Variants in DAB1 observed in about 807,000 individuals in gnomAD.
The protein encoded by DAB1 is disabled homolog 1.
A neutral mutation model predicts 64.6 loss-of-function variants in DAB1; 15 were observed. The ratio of observed to expected loss-of-function variants is 0.23; its 90% CI spans 0.16 to 0.36. DAB1 has a LOEUF of 0.36. Among genes scored for constraint, DAB1 ranks in the 10% least tolerant of loss-of-function variants. DAB1 has a pLI of 1.00. For synonymous variants in DAB1, 235 were observed against 251.9 expected (o/e 0.93, Z 0.64); for missense variants, 596 against 706.7 (o/e 0.84, Z 1.78).
chr1:58,530,631 C>T (rs1478918340), intron 1 of DAB1: 1 of 872,702 alleles, frequency 1.1e-6, no homozygotes, highest in Non-Finnish European at 2.0e-6. Flanking sequence ...TCCACTGGCA[C>T]AAAAGTGCCA....
chr1:57,080,088 A>G (rs1223241110), intron 4 of DAB1, among the ~76,000 whole-genome samples: 1 of 152,194 alleles, frequency 6.6e-6, no homozygotes, highest in African/African-American at 2.4e-5. Flanking sequence ...ATTTATCATT[A>G]CCATTTGAAC....
At chr1:58,411,015 C>T (rs937912939) in intron 3 of DAB1, among the ~76,000 whole-genome samples, 3 of 152,210 alleles carry the variant, frequency 2.0e-5, no homozygotes, top group Non-Finnish European at 4.4e-5. Flanking sequence ...TGGTAGGAAA[C>T]TTGGAGACCA....
At chr1:57,539,878 A>G (rs72914808) in intron 7 of DAB1, among the ~76,000 whole-genome samples, 1,641 of 152,334 alleles carry the variant, frequency 0.011, 42 homozygotes, top group African/African-American at 0.038. Context: ...GTGATGGGGA[A>G]AAGTACTGCT....
At chr1:58,033,068 A>G (rs893624044) in intron 5 of DAB1, among the ~76,000 whole-genome samples, 1 of 152,074 alleles carries the variant, frequency 6.6e-6, no homozygotes, top group Non-Finnish European at 1.5e-5. Context: ...TCCCTCCAGA[A>G]CCACCTTCAC....
chr1:57,164,291 T>C (rs956818598), intron 2 of DAB1, among the ~76,000 whole-genome samples: 2 of 152,090 alleles, frequency 1.3e-5, no homozygotes, highest in Admixed American at 6.6e-5. Context: ...CCACAGAATT[T>C]TGGGGATTTG....
At chr1:58,506,873 T>C (rs1645997972) in intron 2 of DAB1, among the ~76,000 whole-genome samples, 1 of 152,192 alleles carries the variant, frequency 6.6e-6, no homozygotes, top group African/African-American at 2.4e-5. Context: ...ACACAATACC[T>C]TATAAAAGTA....
At chr1:58,164,863 T>C (rs1479550018) in intron 4 of DAB1, among the ~76,000 whole-genome samples, 2 of 151,968 alleles carry the variant, frequency 1.3e-5, no homozygotes, top group Non-Finnish European at 2.9e-5. Flanking sequence ...ATATAATGAA[T>C]ACAGAAGATT....
chr1:57,986,708 G>C (rs1646227348), intron 5 of DAB1, among the ~76,000 whole-genome samples: 1 of 152,100 alleles, frequency 6.6e-6, no homozygotes, highest in African/African-American at 2.4e-5. Context: ...ACCTTATCAG[G>C]AAAGTGTCTT....
chr1:57,095,193 A>G (rs1654046719), intron 4 of DAB1, among the ~76,000 whole-genome samples: 1 of 152,198 alleles, frequency 6.6e-6, no homozygotes, highest in African/African-American at 2.4e-5. Flanking sequence ...CATCTGATGC[A>G]GATGTCATTC....
rs181376633 is a variant in DAB1, at chr1:57,920,210, T to C, written n.388-36048A>G. 2.3e-3 allele frequency among the ~76,000 whole-genome samples: 346 copies of C among 152,304 alleles called. 5 individuals are homozygous for C. The highest frequency in any genetic ancestry group is 2.1e-4 in the Non-Finnish European group (14 of 68,026). ...CCCCCACTCTGGAGCTACAAAGCCCTAAACAGCATTCTTTCCAAGGCCTTA... is the reference window on the plus strand; with the variant it reads ...CCCCCACTCTGGAGCTACAAAGCCCCAAACAGCATTCTTTCCAAGGCCTTA... On this transcript the variant is annotated intron_variant and non_coding_transcript_variant, in intron 5 of 20. Transcript: ENST00000485760.
At chr1:58,223,302 A>C (rs1659273988) in intron 4 of DAB1, among the ~76,000 whole-genome samples, 1 of 152,206 alleles carries the variant, frequency 6.6e-6, no homozygotes, top group Non-Finnish European at 1.5e-5. Context: ...TCCAGAGAAA[A>C]TTCTCCTGTC....
intron 4 of DAB1, among the ~76,000 whole-genome samples, chr1:58,301,928 T>G (rs1662179803): frequency 6.6e-6 from 1 of 152,176 alleles, no homozygotes; most frequent in Non-Finnish European, 1.5e-5. Context: ...ATGGAGATAT[T>G]AGCTCTTATT....
intron 6 of DAB1, among the ~76,000 whole-genome samples, chr1:57,802,557 T>G (rs1651178256): frequency 6.6e-6 from 1 of 152,184 alleles, no homozygotes; most frequent in South Asian, 2.1e-4. Context: ...AAATCCAGTG[T>G]CGAATCATAA....
At chr1:57,612,798 A>G (rs1645744355) in intron 7 of DAB1, among the ~76,000 whole-genome samples, 1 of 152,154 alleles carries the variant, frequency 6.6e-6, no homozygotes, top group South Asian at 2.1e-4. Flanking sequence ...CCACCCCCCA[A>G]CTAGAATGTA....
chr1:57,967,722 TA>T (rs1645702061), intron 5 of DAB1, among the ~76,000 whole-genome samples: 1 of 142,860 alleles, frequency 7.0e-6, no homozygotes, highest in Non-Finnish European at 1.6e-5. Context: ...CGAAACTAGT[TA>T]AAAACATAAA....
At chr1:57,254,401 T>A (rs528993323) in intron 2 of DAB1, among the ~76,000 whole-genome samples, 57 of 152,298 alleles carry the variant, frequency 3.7e-4, no homozygotes, top group African/African-American at 1.3e-3. Context: ...CACAAAATAA[T>A]CAATTACCAA....
At chr1:57,145,577 C>T (rs1659044698) in intron 2 of DAB1, 148 bp from the exon 3 acceptor site, 4 of 731,586 alleles carry the variant, frequency 5.5e-6, no homozygotes, top group Non-Finnish European at 8.6e-6. Context: ...TAGCAGTATT[C>T]CTAAATGTAA....
At chr1:57,422,697 A>T (rs1685017930) in intron 1 of DAB1, among the ~76,000 whole-genome samples, 1 of 151,684 alleles carries the variant, frequency 6.6e-6, no homozygotes, top group Non-Finnish European at 1.5e-5. Flanking sequence ...GACCCCCAAC[A>T]ATGAGGATTT....
chr1:57,979,910 T>C (rs551822927), intron 5 of DAB1, among the ~76,000 whole-genome samples: 13 of 152,312 alleles, frequency 8.5e-5, no homozygotes, highest in African/African-American at 2.9e-4. Context: ...CACACTTCTA[T>C]TATTCTATAA....
Sources: allele counts gnomAD v4.1 joint callset (sites outside exome capture counted in the v4.1 genomes callset), GRCh38; gene constraint gnomAD v4.1.1; transcripts MANE v1.5; gene names NCBI Gene and HGNC (gene_info 2026-07-23, HGNC 2026-07-21).